The following FN1 variants were observed in gnomAD, a reference collection of about 807,000 sequenced individuals.
FN1 encodes fibronectin.
FN1 carries 106 observed loss-of-function variants against 297.3 expected under a neutral mutation model. That is an observed-to-expected ratio of 0.36 (90% CI 0.30 to 0.42). The LOEUF (loss-of-function observed/expected upper bound fraction) is 0.42. Ranked by LOEUF, FN1 falls within the 10% of genes least tolerant of loss-of-function variation. The pLI, the probability that FN1 is intolerant of heterozygous loss-of-function variation, is 1.00. For missense variants in FN1, 2,690 were observed against 3,124.9 expected, an observed-to-expected ratio of 0.86 and a Z score of 3.32; for synonymous variants, 1,149 against 1,152.6, an observed-to-expected ratio of 1.00 and a Z score of 0.06.
chr2:215,431,853 T>C lies in FN1; in HGVS notation c.527A>G (p.Glu176Gly). 1 of 1,614,112 alleles carries C rather than the reference T, an allele frequency of 6.2e-7. No individual in the cohort carries two copies. Among genetic ancestry groups the C allele is most frequent in the East Asian group, 2.2e-5 (1 of 44,866 alleles). The change falls in exon 4 of 46, where the codon GAA (glutamate) becomes GGA (glycine). Residue 176 changes from glutamate (E) to glycine (G), a missense_variant. Around this residue, in one of 3 missense-constraint regions of FN1, gnomAD observed 876 missense variants for 1,058.1 expected, o/e 0.83. Coordinates refer to ENST00000354785, the MANE Select transcript of FN1 (RefSeq NM_212482.4). Reference protein sequence around the residue: ...ECVCLGNGKGEWTCKPIAEKC... With the variant: ...ECVCLGNGKGGWTCKPIAEKC... The stretch of plus-strand genomic sequence containing the variant: ...CACACCTATGGGCTTGCAGGTCCAT[T>C]CTCCTTTTCCATTACCAAGACACAC...
chr2:215,406,365 C>A lies in FN1; in HGVS notation c.2859G>T (p.Arg953Ser). 6.2e-7 allele frequency: 1 copy of A among 1,614,198 alleles called. No individual in the cohort carries two copies. The highest frequency in any genetic ancestry group is 8.5e-7 in the Non-Finnish European group (1 of 1,180,042). Residue 953 changes from arginine to serine, a missense_variant, in exon 19 of 46, where the codon AGG (arginine) becomes AGT (serine). Physicochemically the swap from Arg to Ser is moderately radical, Grantham distance 110. Transcript: ENST00000354785. ...PVNLPGEHGQRLPISRNTFAE... is the reference protein window; with the variant it reads ...PVNLPGEHGQSLPISRNTFAE... ...CAAAGGTGTTCCTGCTGATGGGCAGCCTCTGCCCGTGCTCGCCAGGCAGGT... is the reference window on the plus strand; with the variant it reads ...CAAAGGTGTTCCTGCTGATGGGCAGACTCTGCCCGTGCTCGCCAGGCAGGT...
Position 215,414,776 on chromosome 2 carries a change from A to G in FN1, c.1941+61T>C, listed in dbSNP as rs779365837. On this transcript the variant is annotated intron_variant, in intron 13 of 45. Coordinates refer to ENST00000354785, the MANE Select transcript of FN1 (RefSeq NM_212482.4). ...GGCTCAAAAGCTGGGAAAAAAAGAA[A>G]CCATCAGAATTGATAAGATTAGGAG... 1.4e-5 allele frequency: 23 copies of G among 1,604,148 alleles called. No homozygotes were observed. In the South Asian group the frequency reaches 2.3e-4, roughly 16 times the overall value.
At chr2:215,433,730 C>T (rs562374439) in intron 2 of FN1, among the ~76,000 whole-genome samples, 3 of 152,178 alleles carry the variant, frequency 2.0e-5, no homozygotes, top group Non-Finnish European at 4.4e-5. Context: ...AAAGTACTAA[C>T]TTATGACAGA....
In FN1 at chr2:215,394,629, C is replaced by T. The variant is rs2060088713; in HGVS notation, c.3695G>A (p.Cys1232Tyr). The stretch of plus-strand genomic sequence containing the variant: ...GCCGGGACTCAGGTTATCAAAAGTG[C>T]AGGAGCTCTGATCAGCATGGACCAC... ...EEVVHADQSS[C>Y]TFDNLSPGLE... Residue 1232 changes from cysteine (C) to tyrosine (Y), a missense_variant, in exon 24 of 46, where the codon TGC becomes TAC. By Grantham distance (194) the Cys-to-Tyr change is radical. Around this residue, in one of 3 missense-constraint regions of FN1, gnomAD observed 1,743 missense variants for 1,945.2 expected, o/e 0.90. Coordinates refer to ENST00000354785, the MANE Select transcript of FN1 (RefSeq NM_212482.4). 9.3e-6 allele frequency: 15 copies of T among 1,613,968 alleles called. No individual in the cohort carries two copies. Among genetic ancestry groups the T allele is most frequent in the African/African-American group, 2.7e-5 (2 of 74,910 alleles).
Position 215,414,876 on chromosome 2 carries a change from C to T in FN1, c.1902G>A (p.Gln634=). 1 of 1,613,724 alleles carries T rather than the reference C, an allele frequency of 6.2e-7. No individual in the cohort carries two copies. Among genetic ancestry groups the T allele is most frequent in the Non-Finnish European group, 8.5e-7 (1 of 1,179,700 alleles). ...GAATGTACTTGGAAATGTGAGATGG[C>T]TGTGGTGCATTCCACTGGATGGGGT... is the stretch of plus-strand genomic sequence containing the variant. ...NSHPIQWNAP[Q]PSHISKYILR... The change falls in exon 13 of 46, where the codon CAG becomes CAA. Residue 634 remains glutamine, a synonymous_variant. Transcript: ENST00000354785.
At chr2:215,409,411 T>G in intron 15 of FN1, 152 bp downstream of exon 15, 1 of 768,864 alleles carries the variant, frequency 1.3e-6, no homozygotes, top group South Asian at 1.5e-5. Context: ...AGTCAGTCCT[T>G]CCCTTCCTCA....
intron 20 of FN1, among the ~76,000 whole-genome samples, chr2:215,403,549 GAAAAT>G (rs2061401318): frequency 6.6e-6 from 1 of 152,128 alleles, no homozygotes. Flanking sequence ...ATGTCGAGTT[GAAAAT>G]AACAAATGAT....
chr2:215,432,006 G>T (rs375783458), intron 3 of FN1, 42 bp from the exon 4 acceptor site: 4 of 1,602,700 alleles, frequency 2.5e-6, no homozygotes, highest in Non-Finnish European at 3.4e-6. Context: ...GGGCAGAACA[G>T]ATTTTTTTTT....
In FN1 at chr2:215,411,293, C is replaced by T. The variant is rs1256439407; in HGVS notation, c.1942-1179G>A. The stretch of plus-strand genomic sequence containing the variant: ...CTCTTTCAAGTGTAAATACTCTAAA[C>T]TAATATAAGTCAAAATATATTTTTT... On this transcript the variant is annotated intron_variant, in intron 13 of 45. Transcript: ENST00000354785. Among the ~76,000 whole-genome samples the T allele has an allele frequency of 2.0e-5, 3 of 152,190 alleles. 1 individual carries two copies. Among genetic ancestry groups the T allele is most frequent in the African/African-American group, 7.2e-5 (3 of 41,448 alleles).
chr2:215,366,356 C>T (rs2054604282), intron 42 of FN1, among the ~76,000 whole-genome samples: 1 of 151,970 alleles, frequency 6.6e-6, no homozygotes, highest in Non-Finnish European at 1.5e-5. Context: ...TTGCAGAAAC[C>T]CTGGATACAA....
Position 215,371,267 on chromosome 2 carries a change from C to CG in FN1, c.6714+641dup, listed in dbSNP as rs1553601376. Reference sequence around the variant, plus strand: ...AGGGCCATAGAGCAAGACTCCATCTCGGGGAAAAAAAAAAATGGATACTGT... The same window carrying CG: ...AGGGCCATAGAGCAAGACTCCATCTCGGGGGAAAAAAAAAAATGGATACTGT... On this transcript the variant is annotated intron_variant, in intron 40 of 45. Coordinates refer to ENST00000354785, the MANE Select transcript of FN1 (RefSeq NM_212482.4). Among the ~76,000 whole-genome samples, 122 of 134,830 alleles carry CG rather than the reference C, an allele frequency of 9.0e-4. 2 individuals are homozygous for CG. In the East Asian group the frequency reaches 0.046, roughly 51 times the overall value. The allele number at this position is 134,830 out of a possible 152,430, so 88.5% of individuals were successfully genotyped here.
At chr2:215,404,747 TCTC>T (rs1022684123) in intron 19 of FN1, 92 bp from the exon 20 acceptor site, 2 of 1,210,740 alleles carry the variant, frequency 1.7e-6, no homozygotes, top group African/African-American at 3.0e-5. Flanking sequence ...CTAAGTTTTC[TCTC>T]CTCAAGGTTG....
intron 20 of FN1, 82 bp downstream of exon 20, chr2:215,404,307 T>C (rs141299607): frequency 8.1e-7 from 1 of 1,233,470 alleles, no homozygotes; most frequent in African/African-American, 1.5e-5. Flanking sequence ...ATGTTTTTTT[T>C]GTTTTGTTTT....
intron 23 of FN1, among the ~76,000 whole-genome samples, chr2:215,395,740 T>G (rs1159519883): frequency 6.6e-6 from 1 of 152,088 alleles, no homozygotes; most frequent in African/African-American, 2.4e-5. Flanking sequence ...ACAGAATATT[T>G]TGCCATTAGG....
chr2:215,433,637 T>A (rs1449256921), intron 2 of FN1, among the ~76,000 whole-genome samples, 176 bp from the exon 3 acceptor site: 2 of 152,230 alleles, frequency 1.3e-5, no homozygotes, highest in Non-Finnish European at 2.9e-5. Flanking sequence ...AAGGCCATGG[T>A]TTTTGACCTT....
At chr2:215,407,521 T>C (rs1036270800) in intron 17 of FN1, among the ~76,000 whole-genome samples, 200 bp from the exon 18 acceptor site, 1 of 152,212 alleles carries the variant, frequency 6.6e-6, no homozygotes, top group East Asian at 1.9e-4. Context: ...AGAACAGTCA[T>C]GCGAACCTTT....
rs770981600 is a variant in FN1, at chr2:215,386,938, T to C, written c.4363A>G (p.Ile1455Val). 3 of 1,611,690 alleles carry C rather than the reference T, an allele frequency of 1.9e-6. No individual in the cohort carries two copies. The highest frequency in any genetic ancestry group is 1.7e-6 in the Non-Finnish European group (2 of 1,179,298). ...TTGGCAGTAATATCAGAAAAGTCAA[T>C]GCCAGTTGGGGAATCAAGACCTGTT... ...QKTGLDSPTG[I>V]DFSDITANSF... Residue 1455 changes from isoleucine (I) to valine (V), a missense_variant, in exon 28 of 46, where the codon ATT becomes GTT. Transcript: ENST00000354785.
intron 20 of FN1, among the ~76,000 whole-genome samples, chr2:215,403,327 A>T (rs1412620041): frequency 6.6e-6 from 1 of 152,200 alleles, no homozygotes; most frequent in East Asian, 1.9e-4. Flanking sequence ...ATGAATTCTT[A>T]TGGGGAAAAG....
intron 13 of FN1, among the ~76,000 whole-genome samples, chr2:215,411,834 T>G (rs969508585): frequency 1.3e-5 from 2 of 151,830 alleles, no homozygotes; most frequent in African/African-American, 4.8e-5. Context: ...GCCCAGCTAA[T>G]TTTTTTGTAT....
Sources: gnomAD v4.1 joint callset for allele counts (sites outside exome capture counted in the v4.1 genomes callset) on GRCh38, gnomAD v4.1.1 for gene constraint, gnomAD v4.1.1 regional missense constraint, MANE v1.5 for transcripts, NCBI Gene and HGNC (gene_info 2026-07-23, HGNC 2026-07-21) for gene names.